The following CCDC83 variants were observed in gnomAD, a reference collection of about 807,000 sequenced individuals.
The protein encoded by CCDC83 is coiled-coil domain containing 83, also known as coiled-coil domain-containing protein 83.
A neutral mutation model predicts 50.1 loss-of-function variants in CCDC83; 54 were observed. The observed-to-expected ratio is 1.08, with a 90% CI of 0.87 to 1.35. The LOEUF (loss-of-function observed/expected upper bound fraction) is 1.35. Ranked by LOEUF, CCDC83 falls within the 40% of genes most tolerant of loss-of-function variation. The pLI is 0.00. For synonymous variants in CCDC83, 161 were observed against 153.3 expected (o/e 1.05, Z -0.37); for missense variants, 518 against 473.9 (o/e 1.09, Z -0.86).
intron 1 of CCDC83, among the ~76,000 whole-genome samples, chr11:85,859,458 G>C (rs994385879): frequency 1.3e-5 from 2 of 152,142 alleles, no homozygotes; most frequent in Non-Finnish European, 2.9e-5. Flanking sequence ...ACATGGTACT[G>C]TTACAAAAAC....
intron 8 of CCDC83, among the ~76,000 whole-genome samples, chr11:85,912,177 A>G (rs1362401031): frequency 1.3e-5 from 2 of 152,228 alleles, no homozygotes; most frequent in African/African-American, 4.8e-5. Flanking sequence ...AGGTCTAGGA[A>G]TTAAAGCAGA....
chr11:85,860,624 T>A (rs1480809771), intron 1 of CCDC83, among the ~76,000 whole-genome samples: 1 of 152,192 alleles, frequency 6.6e-6, no homozygotes, highest in African/African-American at 2.4e-5. Flanking sequence ...AACCCAGCAA[T>A]CTCGCTACTG....
At chr11:85,903,992 T>A (rs1174269373) in intron 7 of CCDC83, among the ~76,000 whole-genome samples, 5 of 151,436 alleles carry the variant, frequency 3.3e-5, no homozygotes, top group African/African-American at 1.2e-4. Flanking sequence ...ATTTAAAAAA[T>A]TAAATTTAAA....
At chr11:85,881,521 A>G (rs138005682) in intron 3 of CCDC83, among the ~76,000 whole-genome samples, 1,718 of 152,250 alleles carry the variant, frequency 0.011, 14 homozygotes, top group Middle Eastern at 0.031. Context: ...CTCCTGGGCT[A>G]AAGTGATCCT....
chr11:85,882,571 G>A lies in CCDC83; in HGVS notation c.239G>A (p.Ser80Asn). Residue 80 changes from serine to asparagine, a missense_variant, in exon 4 of 11, where the codon AGT (serine) becomes AAT (asparagine). Ser to Asn is a conservative substitution (Grantham distance 46). Transcript: ENST00000342404. ...WHIRHLLKEL[S>N]EEKAEGLPVV... Reference sequence around the variant, plus strand: ...ATACGGCATCTACTAAAGGAACTGAGTGAAGAGAAGGCAGAGGGATTGCCA... The same window carrying A: ...ATACGGCATCTACTAAAGGAACTGAATGAAGAGAAGGCAGAGGGATTGCCA... The A allele has an allele frequency of 6.2e-7, 1 of 1,613,978 alleles. No homozygotes were observed. The highest frequency in any genetic ancestry group is 8.5e-7 in the Non-Finnish European group (1 of 1,179,876).
rs2093459248 is a variant in CCDC83, at chr11:85,912,529, T to G, written c.794+1127T>G. On this transcript the variant is annotated intron_variant, in intron 8 of 10. Coordinates refer to ENST00000342404, the MANE Select transcript of CCDC83 (RefSeq NM_001286159.2). ...GAGGTGAGGCTGAATGAGGATTGAT[T>G]ACTGAACTCCTGTACTTCCAGTCTC... 4 of 698,624 alleles carry G rather than the reference T, an allele frequency of 5.7e-6. No individual in the cohort carries two copies. In the Admixed American group the frequency reaches 8.2e-5, roughly 14 times the overall value. The allele number at this position is 698,624 out of a possible 1,614,324, so 43.3% of individuals were successfully genotyped here.
chr11:85,880,986 T>C (rs1465081543), intron 3 of CCDC83, among the ~76,000 whole-genome samples: 1 of 152,180 alleles, frequency 6.6e-6, no homozygotes, highest in Non-Finnish European at 1.5e-5. Flanking sequence ...ATAAACTGTG[T>C]TTGGTGTGCC....
At position 85,901,450 on chromosome 11, in the gene CCDC83, G is replaced by A. The variant is rs577279276; in HGVS notation, c.672+2435G>A. Among the ~76,000 whole-genome samples the A allele has an allele frequency of 2.7e-4, 41 of 151,994 alleles. 1 individual carries two copies. The highest frequency in any genetic ancestry group is 3.9e-4 in the Admixed American group (6 of 15,268). On this transcript the variant is annotated intron_variant, in intron 7 of 10. Coordinates refer to ENST00000342404, the MANE Select transcript of CCDC83 (RefSeq NM_001286159.2). Reference sequence around the variant, plus strand: ...TAACCAGGCATGGTGGTGAGCACCCGTAGTCCCAAATACCCAGGAGGCTGA... The same window carrying A: ...TAACCAGGCATGGTGGTGAGCACCCATAGTCCCAAATACCCAGGAGGCTGA...
intron 1 of CCDC83, among the ~76,000 whole-genome samples, chr11:85,864,007 G>T (rs1221269676): frequency 6.6e-6 from 1 of 152,176 alleles, no homozygotes; most frequent in Non-Finnish European, 1.5e-5. Flanking sequence ...TCCCTTGACA[G>T]ATGATGCAAC....
At chr11:85,859,158 T>TAA (rs55964668) in intron 1 of CCDC83, among the ~76,000 whole-genome samples, 758 of 68,630 alleles carry the variant, frequency 0.011, 11 homozygotes, top group African/African-American at 0.03. Context: ...CTTGGTGCCT[T>TAA]AAAAAAAAAA....
chr11:85,886,930 C>T (rs2093329889), intron 5 of CCDC83, among the ~76,000 whole-genome samples: 1 of 151,928 alleles, frequency 6.6e-6, no homozygotes. Context: ...AAGAAAGAAT[C>T]TTCATTCAAT....
At chr11:85,883,672 T>A (rs751921395) in intron 4 of CCDC83, among the ~76,000 whole-genome samples, 2 of 152,114 alleles carry the variant, frequency 1.3e-5, no homozygotes, top group African/African-American at 2.4e-5. Flanking sequence ...ATAAATAACA[T>A]CCCTGCTAGG....
At chr11:85,880,783 C>T (rs373290005) in intron 3 of CCDC83, among the ~76,000 whole-genome samples, 3 of 152,134 alleles carry the variant, frequency 2.0e-5, no homozygotes, top group East Asian at 3.9e-4. Flanking sequence ...AGTTCGAGTA[C>T]CCCTTAACTG....
chr11:85,903,917 AGATTGTTCCATTGCACTCCAGCCTG>A (rs1210913002), intron 7 of CCDC83, among the ~76,000 whole-genome samples: 1 of 152,158 alleles, frequency 6.6e-6, no homozygotes, highest in African/African-American at 2.4e-5. Context: ...TAGTGAGCCA[AGATTGTTCCATTGCACTCCAGCCTG>A]GGCAACACAG....
intron 3 of CCDC83, among the ~76,000 whole-genome samples, chr11:85,879,166 G>T (rs1407427789): frequency 1.3e-5 from 2 of 151,934 alleles, no homozygotes; most frequent in African/African-American, 2.4e-5. Flanking sequence ...TTCCTTTATG[G>T]ATTATGCTTT....
intron 1 of CCDC83, among the ~76,000 whole-genome samples, chr11:85,861,834 C>A (rs1480940927): frequency 6.6e-6 from 1 of 151,544 alleles, no homozygotes; most frequent in Non-Finnish European, 1.5e-5. Flanking sequence ...CATGGCAAAA[C>A]CCCCTCTTTA....
intron 2 of CCDC83, among the ~76,000 whole-genome samples, chr11:85,872,378 G>A (rs1046407058): frequency 6.6e-6 from 1 of 152,036 alleles, no homozygotes; most frequent in East Asian, 1.9e-4. Context: ...CCAGTTACTC[G>A]GGAGGCTGAG....
chr11:85,905,720 A>G (rs2093422504), intron 7 of CCDC83, among the ~76,000 whole-genome samples: 1 of 152,110 alleles, frequency 6.6e-6, no homozygotes, highest in African/African-American at 2.4e-5. Context: ...CTGTAATCCC[A>G]GCACTTTGGG....
chr11:85,856,452 G>A lies in CCDC83; in HGVS notation c.-29+868G>A, dbSNP rs925213256. Among the ~76,000 whole-genome samples, 6 of 152,158 alleles carry A rather than the reference G, an allele frequency of 3.9e-5. No homozygotes were observed. The East Asian group carries it at 7.7e-4, about 20-fold the overall frequency. On this transcript the variant is annotated intron_variant, in intron 1 of 10. Coordinates refer to ENST00000342404, the MANE Select transcript of CCDC83 (RefSeq NM_001286159.2). ...TTTCTTTGTTGATAATTCTAAAACT[G>A]AAGGACAGTAAGAGTGGGAAAAAAA...
Sources: allele counts gnomAD v4.1 joint callset (sites outside exome capture counted in the v4.1 genomes callset), GRCh38; gene constraint gnomAD v4.1.1; transcripts MANE v1.5; gene names NCBI Gene and HGNC (gene_info 2026-07-23, HGNC 2026-07-21).